Variants in CHN2 observed in about 807,000 individuals in gnomAD.
The protein encoded by CHN2 is beta-chimaerin.
CHN2 carries 35 observed loss-of-function variants against 56.3 expected under a neutral mutation model. That is an observed-to-expected ratio of 0.62 (90% CI 0.47 to 0.82). CHN2 has a LOEUF of 0.82. CHN2 is among the 40% of genes least tolerant of loss of function. The pLI is 0.00. For synonymous variants in CHN2, 210 were observed against 212.8 expected, an observed-to-expected ratio of 0.99 and a Z score of 0.12; for missense variants, 491 against 580.5, an observed-to-expected ratio of 0.85 and a Z score of 1.58.
At chr7:29,173,834 C>A (rs2128729094) in intron 2 of CHN2, among the ~76,000 whole-genome samples, 1 of 151,174 alleles carries the variant, frequency 6.6e-6, no homozygotes, top group African/African-American at 2.4e-5. Flanking sequence ...CCATGTAATT[C>A]CATCTTACTT....
intron 2 of CHN2, among the ~76,000 whole-genome samples, chr7:29,358,677 G>A (rs1798509078): frequency 6.6e-6 from 1 of 152,042 alleles, no homozygotes; most frequent in South Asian, 2.1e-4. Flanking sequence ...TGTTAGCCAG[G>A]ATGGTCTCGA....
At chr7:29,181,106 A>T (rs940358348) in intron 2 of CHN2, among the ~76,000 whole-genome samples, 9 of 152,178 alleles carry the variant, frequency 5.9e-5, no homozygotes, top group Non-Finnish European at 1.5e-5. Flanking sequence ...TTTCCTAGGG[A>T]ATTTGTGTTT....
chr7:29,410,022 G>A (rs1474876236), intron 6 of CHN2, among the ~76,000 whole-genome samples: 2 of 152,196 alleles, frequency 1.3e-5, no homozygotes, highest in Admixed American at 6.5e-5. Context: ...CCCTGAGCAC[G>A]ACCTCAGAGC....
intron 2 of CHN2, among the ~76,000 whole-genome samples, chr7:29,174,416 C>A (rs1287113289): frequency 6.6e-6 from 1 of 152,142 alleles, no homozygotes; most frequent in Non-Finnish European, 1.5e-5. Context: ...CAGTACATAG[C>A]CAAGGTCTGC....
intron 2 of CHN2, among the ~76,000 whole-genome samples, chr7:29,360,915 G>C (rs1798685870): frequency 6.6e-6 from 1 of 152,208 alleles, no homozygotes; most frequent in Admixed American, 6.5e-5. Context: ...CAGTCTGTCA[G>C]TGAGCTCACA....
chr7:29,432,350 A>G (rs1782914541), intron 6 of CHN2, among the ~76,000 whole-genome samples: 1 of 152,220 alleles, frequency 6.6e-6, no homozygotes, highest in Non-Finnish European at 1.5e-5. Flanking sequence ...CCAAGTTCCC[A>G]CAAGGGATAG....
chr7:29,218,888 G>C (rs941572489), intron 1 of CHN2, among the ~76,000 whole-genome samples: 1 of 151,446 alleles, frequency 6.6e-6, no homozygotes, highest in African/African-American at 2.4e-5. Flanking sequence ...CACCAGCATG[G>C]CACATGTATA....
chr7:29,348,213 G>A (rs1797612070), intron 1 of CHN2, among the ~76,000 whole-genome samples: 1 of 152,160 alleles, frequency 6.6e-6, no homozygotes, highest in Admixed American at 6.5e-5. Flanking sequence ...CAGACATGGA[G>A]GAGCTTTCTG....
chr7:29,220,119 A>T (rs1644548600), intron 1 of CHN2, among the ~76,000 whole-genome samples: 1 of 151,916 alleles, frequency 6.6e-6, no homozygotes, highest in Admixed American at 6.6e-5. Flanking sequence ...TTGAAAATAA[A>T]TGATTCAAAC....
chr7:29,373,770 A>C (rs1799806256), intron 3 of CHN2, among the ~76,000 whole-genome samples: 1 of 152,180 alleles, frequency 6.6e-6, no homozygotes, highest in Non-Finnish European at 1.5e-5. Flanking sequence ...TGTCTTAGGC[A>C]CGTCTGGAAG....
intron 2 of CHN2, among the ~76,000 whole-genome samples, chr7:29,177,120 A>G: frequency 6.6e-6 from 1 of 152,256 alleles, no homozygotes; most frequent in East Asian, 1.9e-4. Flanking sequence ...CTTCTAGCAC[A>G]GAGACACTAA....
intron 3 of CHN2, among the ~76,000 whole-genome samples, chr7:29,382,680 C>T (rs770773357): frequency 5.9e-5 from 9 of 152,180 alleles, no homozygotes; most frequent in Non-Finnish European, 1.0e-4. Context: ...AATCCCAATC[C>T]CAGTAAGATC....
chr7:29,413,500 C>A (rs1350642284), intron 6 of CHN2, among the ~76,000 whole-genome samples: 1 of 152,204 alleles, frequency 6.6e-6, no homozygotes. Flanking sequence ...AGGAAAGTTA[C>A]AATTACTCCC....
chr7:29,404,864 C>CA (rs559257051), intron 6 of CHN2, among the ~76,000 whole-genome samples: 317 of 151,460 alleles, frequency 2.1e-3, no homozygotes, highest in African/African-American at 7.5e-3. Flanking sequence ...CGCATCCAGC[C>CA]AAAAAAAGCT....
At chr7:29,192,877 T>TG (rs900520555), upstream of CHN2, 14 of 152,304 alleles carry the variant, frequency 9.2e-5, no homozygotes, top group Non-Finnish European at 1.3e-4. Flanking sequence ...TCTAAAGATC[T>TG]GGGGGGCTAC....
At chr7:29,260,804 G>C (rs1324449943) in intron 1 of CHN2, among the ~76,000 whole-genome samples, 2 of 152,138 alleles carry the variant, frequency 1.3e-5, no homozygotes, top group Non-Finnish European at 2.9e-5. Flanking sequence ...GGTGTCTGTG[G>C]TAGTTTCTCC....
chr7:29,259,012 ACT>A (rs1180996589), intron 1 of CHN2, among the ~76,000 whole-genome samples: 2 of 140,244 alleles, frequency 1.4e-5, no homozygotes, highest in Non-Finnish European at 3.0e-5. Context: ...ATAGTGGAGT[ACT>A]ATGTAGCTTA....
chr7:29,378,762 G>A (rs1296111989), intron 3 of CHN2, among the ~76,000 whole-genome samples: 2 of 152,156 alleles, frequency 1.3e-5, no homozygotes, highest in East Asian at 3.9e-4. Flanking sequence ...TTAGGAGATC[G>A]AGACCATTCT....
chr7:29,470,166 A>T (rs1489508235), intron 6 of CHN2, among the ~76,000 whole-genome samples: 2 of 152,226 alleles, frequency 1.3e-5, no homozygotes, highest in Admixed American at 1.3e-4. Context: ...ACACTCTGAC[A>T]TTCCATTTGG....
Sources: allele counts gnomAD v4.1 joint callset (sites outside exome capture counted in the v4.1 genomes callset), GRCh38; gene constraint gnomAD v4.1.1; transcripts MANE v1.5; gene names NCBI Gene and HGNC (gene_info 2026-07-23, HGNC 2026-07-21).